The following LRRC27 variants were observed in gnomAD, a reference collection of about 807,000 sequenced individuals.
LRRC27 encodes leucine-rich repeat-containing protein 27.
Under a neutral mutation model 55.0 loss-of-function variants are expected in LRRC27, and 57 were observed. That is an observed-to-expected ratio of 1.04 (90% CI 0.84 to 1.29). LRRC27 has a LOEUF of 1.29. Among genes scored for constraint, LRRC27 ranks in the 50% most tolerant of loss-of-function variants. The probability of loss-of-function intolerance (pLI) is 0.00; values close to 1 mark genes in which losing one functional copy is unlikely to be tolerated. For synonymous variants in LRRC27, 278 were observed against 251.9 expected (o/e 1.10, Z -0.98); for missense variants, 721 against 651.5 (o/e 1.11, Z -1.16).
chr10:132,367,171 C>A (rs1447585581), intron 10 of LRRC27, among the ~76,000 whole-genome samples: 1 of 152,130 alleles, frequency 6.6e-6, no homozygotes, highest in Non-Finnish European at 1.5e-5. Context: ...ATAGATTAAT[C>A]CCTTGAAAGA....
intron 10 of LRRC27, among the ~76,000 whole-genome samples, chr10:132,369,771 T>C (rs2069173171): frequency 6.6e-6 from 1 of 152,166 alleles, no homozygotes; most frequent in African/African-American, 2.4e-5. Context: ...GGATGAAGGC[T>C]GCTCTAGAAA....
In LRRC27 at chr10:132,366,962, G is replaced by C. The variant is rs1355927125; in HGVS notation, c.1416+1412G>C. The C allele has an allele frequency of 2.3e-6, 3 of 1,277,680 alleles. No individual in the cohort carries two copies. The East Asian group carries it at 1.7e-4, about 74-fold the overall frequency. 79.1% of individuals were successfully genotyped at this position (1,277,680 alleles called of 1,614,324 possible). A position where few individuals can be genotyped will look rare whatever the true frequency, so the allele number is the denominator to read the frequency against. ...ACTCTTTTCCTCCTCAGCCCAAGGA[G>C]TTTGTATCTGCCTTTAGATAAACTC... On this transcript the variant is annotated intron_variant, in intron 10 of 10. Transcript: ENST00000368614.
At position 132,344,611 on chromosome 10, in the gene LRRC27, G is replaced by T; in HGVS notation, c.514G>T (p.Ala172Ser). 6.2e-7 allele frequency: 1 copy of T among 1,614,112 alleles called. No individual in the cohort carries two copies. The highest frequency in any genetic ancestry group is 1.1e-5 in the South Asian group (1 of 91,080). Residue 172 changes from alanine (A) to serine (S), a missense_variant, in exon 5 of 11, where the codon GCA becomes TCA. By Grantham distance (99) the Ala-to-Ser change is moderately conservative (BLOSUM62 1). Transcript: ENST00000368614. ...TATCCAGCGCTTCCTGCGGATGTGG[G>T]CAGTAGAACACTCTCTCCCCAGAAA... ...VAIQRFLRMW[A>S]VEHSLPRNPT...
intron 10 of LRRC27, among the ~76,000 whole-genome samples, chr10:132,373,539 C>T (rs1048229614): frequency 2.0e-5 from 3 of 152,158 alleles, no homozygotes; most frequent in Non-Finnish European, 2.9e-5. Flanking sequence ...CAGCAGGCGC[C>T]GGGATTCGGT....
At position 132,361,482 on chromosome 10, in the gene LRRC27, C is replaced by T. The variant is rs141377261; in HGVS notation, c.1196C>T (p.Thr399Ile). ...GTGGCATCAAAGATTCCCTCTGCCA[C>T]AGATCTGATAGATAACAGGAAAGTA... is the stretch of plus-strand genomic sequence containing the variant. ...SMVASKIPSA[T>I]DLIDNRKVPL... Residue 399 changes from threonine (T) to isoleucine (I), a missense_variant, in exon 9 of 11, where the codon ACA becomes ATA. Physicochemically the swap from Thr to Ile is moderately conservative, Grantham distance 89 (BLOSUM62 -1). Coordinates refer to ENST00000368614, the MANE Select transcript of LRRC27 (RefSeq NM_030626.3). 9 of 1,613,638 alleles carry T rather than the reference C, an allele frequency of 5.6e-6. No homozygotes were observed. The African/African-American group carries it at 1.1e-4, about 19-fold the overall frequency.
Position 132,374,869 on chromosome 10 carries a change from G to A in LRRC27, c.1417-197G>A, listed in dbSNP as rs371152862. Among the ~76,000 whole-genome samples, 10 of 152,218 alleles carry A rather than the reference G, an allele frequency of 6.6e-5. No homozygotes were observed. Among genetic ancestry groups the A allele is most frequent in the Non-Finnish European group, 1.3e-4 (9 of 68,030 alleles). On this transcript the variant is annotated intron_variant, in intron 10 of 10. Coordinates refer to ENST00000368614, the MANE Select transcript of LRRC27 (RefSeq NM_030626.3). This position sits in a 1 kb window ranked among gnomAD's most constrained non-coding sequence, Gnocchi z 4.4. ...TCATGAGGTAGAAGGCCTGGGAGCC[G>A]GCTGGAAGTAGGCTGCTGGGCCCCA...
At chr10:132,357,433 G>C (rs1003431728) in intron 8 of LRRC27, among the ~76,000 whole-genome samples, 3 of 152,256 alleles carry the variant, frequency 2.0e-5, no homozygotes, top group Admixed American at 6.5e-5. Flanking sequence ...TCAACAGATG[G>C]AGATGGCTAA....
At chr10:132,345,325 C>T (rs2067626303) in intron 5 of LRRC27, among the ~76,000 whole-genome samples, 1 of 152,122 alleles carries the variant, frequency 6.6e-6, no homozygotes, top group Non-Finnish European at 1.5e-5. Flanking sequence ...AAGAAAAATG[C>T]ATGTTTGGAA....
upstream of LRRC27, chr10:132,331,876 G>C (rs556234468): frequency 9.6e-5 from 117 of 1,224,696 alleles, no homozygotes; most frequent in Non-Finnish European, 1.3e-4. Context: ...TGCGTGCGCA[G>C]GCGCACCACC....
At chr10:132,345,710 A>T (rs2067650658) in intron 5 of LRRC27, among the ~76,000 whole-genome samples, 1 of 152,140 alleles carries the variant, frequency 6.6e-6, no homozygotes, top group South Asian at 2.1e-4. Flanking sequence ...GAGAGATAGG[A>T]CCAGGACCTG....
At position 132,347,914 on chromosome 10, in the gene LRRC27, T is replaced by C. The variant is rs1590645295; in HGVS notation, c.554-70T>C. On this transcript the variant is annotated intron_variant, in intron 5 of 10. Transcript: ENST00000368614. ...CACCCCCCACCATCCAGGCCGTCAC[T>C]GGCTTTTTGAATAAGTCACAGAGGG... The C allele has an allele frequency of 2.6e-6, 4 of 1,514,278 alleles. No individual in the cohort carries two copies. The East Asian group carries it at 9.1e-5, about 34-fold the overall frequency. The allele number at this position is 1,514,278 out of a possible 1,614,324, so 93.8% of individuals were successfully genotyped here. A position where few individuals can be genotyped will look rare whatever the true frequency, so the allele number is the denominator to read the frequency against.
upstream of LRRC27, chr10:132,332,064 C>G: frequency 3.4e-6 from 1 of 295,178 alleles, no homozygotes; most frequent in South Asian, 9.0e-5. Flanking sequence ...CCACAACACG[C>G]ACACCCCCGC....
At chr10:132,364,517 T>TCACACC (rs1564853878) in intron 9 of LRRC27, among the ~76,000 whole-genome samples, 1 of 8,180 alleles carries the variant, frequency 1.2e-4, no homozygotes, top group Non-Finnish European at 2.4e-4. Context: ...ACCTCCACAC[T>TCACACC]CGCACTTACA....
intron 9 of LRRC27, among the ~76,000 whole-genome samples, chr10:132,362,054 G>A (rs949631254): frequency 1.3e-5 from 2 of 152,356 alleles, no homozygotes; most frequent in Admixed American, 6.5e-5. Context: ...GGGGTGTTGG[G>A]TGAGGCAGCG....
intron 5 of LRRC27, among the ~76,000 whole-genome samples, chr10:132,345,613 A>G (rs950735197): frequency 3.9e-5 from 6 of 152,206 alleles, no homozygotes; most frequent in Non-Finnish European, 8.8e-5. Flanking sequence ...ATAGGAAAAG[A>G]AAAGTAGCCG....
intron 7 of LRRC27, among the ~76,000 whole-genome samples, chr10:132,352,720 G>T (rs1186530993): frequency 1.3e-5 from 2 of 151,616 alleles, no homozygotes; most frequent in Non-Finnish European, 2.9e-5. Flanking sequence ...TCTGCAGGGC[G>T]TTGCGTGCAT....
At chr10:132,373,440 A>G (rs1179741663) in intron 10 of LRRC27, among the ~76,000 whole-genome samples, 1 of 152,156 alleles carries the variant, frequency 6.6e-6, no homozygotes, top group African/African-American at 2.4e-5. Flanking sequence ...AGCAGGACGG[A>G]CCCACGGAGA....
At position 132,343,661 on chromosome 10, in the gene LRRC27, C is replaced by A. The variant is rs569779908; in HGVS notation, c.401-837C>A. Among the ~76,000 whole-genome samples the A allele has an allele frequency of 2.6e-5, 4 of 152,248 alleles. No homozygotes were observed. In the East Asian group the frequency reaches 7.7e-4, roughly 29 times the overall value. Reference sequence around the variant, plus strand: ...AGAGCCCATTAATGGACAGGGCCAACAAGGCATTTGCAGTTTGTAGAGCCT... The same window carrying A: ...AGAGCCCATTAATGGACAGGGCCAAAAAGGCATTTGCAGTTTGTAGAGCCT... On this transcript the variant is annotated intron_variant, in intron 4 of 10. Transcript: ENST00000368614.
In LRRC27 at chr10:132,377,792, T is replaced by A. The variant is rs2069356864; in HGVS notation, c.*2550T>A. On this transcript the variant is annotated 3_prime_UTR_variant, in exon 11 of 11. Transcript: ENST00000368614. ...AAATAAATTTAGTTCGCCTTTATTC[T>A]GCACAGGACAGAATTCTAGGTGGAT... 6.6e-6 allele frequency: 1 copy of A among 152,240 alleles called. No individual in the cohort carries two copies. Among genetic ancestry groups the A allele is most frequent in the African/African-American group, 2.4e-5 (1 of 41,456 alleles). 9.4% of individuals were successfully genotyped at this position (152,240 alleles called of 1,614,324 possible).
Sources: allele counts gnomAD v4.1 joint callset (sites outside exome capture counted in the v4.1 genomes callset), GRCh38; gene constraint gnomAD v4.1.1; non-coding constraint Gnocchi (gnomAD v3.1); transcripts MANE v1.5; gene names NCBI Gene and HGNC (gene_info 2026-07-23, HGNC 2026-07-21).